The following XIAP variants were observed in gnomAD, a reference collection of about 807,000 sequenced individuals.
XIAP encodes E3 ubiquitin-protein ligase XIAP.
In XIAP, 3 loss-of-function variants were observed where a neutral mutation model predicts 33.1. The observed-to-expected ratio is 0.09, with a 90% CI of 0.04 to 0.23. XIAP has a LOEUF of 0.23. Ranked by LOEUF, XIAP falls within the 10% of genes least tolerant of loss-of-function variation. XIAP has a pLI of 1.00. For synonymous variants in XIAP, 98 were observed against 121.3 expected, an observed-to-expected ratio of 0.81 and a Z score of 1.26; for missense variants, 264 against 363.0, an observed-to-expected ratio of 0.73 and a Z score of 2.22.
In XIAP at chrX:123,869,362, C is replaced by CAAAA. The variant is rs57436822; in HGVS notation, c.-33+9088_-33+9091dup. ...AAACCCCATCTCTACTAAAAAAATA[C>CAAAA]AAAAAAAAAAAAAAAAAAAAAAGCT... On this transcript the variant is annotated intron_variant, in intron 1 of 6. Coordinates refer to ENST00000371199, the MANE Select transcript of XIAP (RefSeq NM_001167.4). Among the ~76,000 whole-genome samples, 137 of 29,725 alleles carry CAAAA rather than the reference C, an allele frequency of 4.6e-3. 7 individuals carry two copies. The highest frequency in any genetic ancestry group is 5.4e-3 in the Non-Finnish European group (96 of 17,847). The allele number at this position is 29,725 out of a possible 115,157, so 25.8% of individuals were successfully genotyped here. A position where few individuals can be genotyped will look rare whatever the true frequency, so the allele number is the denominator to read the frequency against.
At chrX:123,873,997 A>C (rs1203069365) in intron 1 of XIAP, 1 of 110,768 alleles carries the variant, frequency 9.0e-6, no homozygotes, top group East Asian at 2.8e-4. Flanking sequence ...AAGCTGGCAG[A>C]AATTCTCAGG....
chrX:123,872,286 A>G (rs1197474918), intron 1 of XIAP, among the ~76,000 whole-genome samples: 1 of 109,435 alleles, frequency 9.1e-6, no homozygotes, highest in Non-Finnish European at 1.9e-5. Context: ...AAAGATAGAT[A>G]TCACTCAGAA....
At chrX:123,887,986 GA>G (rs199805333) in intron 2 of XIAP, among the ~76,000 whole-genome samples, 1 of 98,166 alleles carries the variant, frequency 1.0e-5, no homozygotes, top group Non-Finnish European at 2.0e-5. Context: ...CTCCATCTCA[GA>G]AAAAAATAAT....
Position 123,912,212 on chromosome X carries a change from C to T in XIAP, c.*5031C>T. 9.0e-6 allele frequency: 2 copies of T among 222,007 alleles called. No individual in the cohort carries two copies. The highest frequency in any genetic ancestry group is 4.5e-5 in the South Asian group (1 of 22,233). The allele number at this position is 222,007 out of a possible 1,213,427, so 18.3% of individuals were successfully genotyped here. A position where few individuals can be genotyped will look rare whatever the true frequency, so the allele number is the denominator to read the frequency against. On this transcript the variant is annotated 3_prime_UTR_variant, in exon 7 of 7. Coordinates refer to ENST00000371199, the MANE Select transcript of XIAP (RefSeq NM_001167.4). ...TTCAACCAAGGAGGAATTGAAAACA[C>T]TGAGAAAAAAAAAAAAGACCACACA...
intron 5 of XIAP, among the ~76,000 whole-genome samples, chrX:123,894,326 CCA>C (rs2053438383): frequency 8.9e-6 from 1 of 112,543 alleles, no homozygotes; most frequent in African/African-American, 3.2e-5. Context: ...GGAACTAGGA[CCA>C]CAAGCAAGGT....
At chrX:123,864,796 G>T (rs1386918360) in intron 1 of XIAP, among the ~76,000 whole-genome samples, 3 of 49,829 alleles carry the variant, frequency 6.0e-5, no homozygotes, top group African/African-American at 1.9e-4. Context: ...GTGTGTGTGT[G>T]TGTGTGTGTG....
intron 1 of XIAP, among the ~76,000 whole-genome samples, chrX:123,875,740 C>T (rs1483954585): frequency 9.2e-6 from 1 of 108,658 alleles, no homozygotes; most frequent in Non-Finnish European, 1.9e-5. Flanking sequence ...GGCTGGAGTA[C>T]AGTGGCACCA....
In XIAP at chrX:123,910,867, CAAA is replaced by C. The variant is rs762141177; in HGVS notation, c.*3700_*3702del. On this transcript the variant is annotated 3_prime_UTR_variant, in exon 7 of 7. Transcript: ENST00000371199. ...TGGGCAACAGAGCAAGACTCTGTCT[CAAA>C]AAAAAAAAAAAAAGAAATAAGAAAA... 5.4e-4 allele frequency: 130 copies of C among 238,691 alleles called. No individual in the cohort carries two copies. Among genetic ancestry groups the C allele is most frequent in the Admixed American group, 9.0e-4 (17 of 18,884 alleles). The allele number at this position is 238,691 out of a possible 1,213,427, so 19.7% of individuals were successfully genotyped here.
chrX:123,869,362 C>CAAAAAAAAAAAAAAAAAAAAAAAAAAAAA lies in XIAP; in HGVS notation c.-33+9091_-33+9092insAAAAAAAAAAAAAAAAAAAAAAAAAAAAA, dbSNP rs57436822. Among the ~76,000 whole-genome samples, 46 of 29,723 alleles carry CAAAAAAAAAAAAAAAAAAAAAAAAAAAAA rather than the reference C, an allele frequency of 1.5e-3. 8 individuals carry two copies. The highest frequency in any genetic ancestry group is 1.7e-3 in the Non-Finnish European group (31 of 17,845). The allele number at this position is 29,723 out of a possible 115,157, so 25.8% of individuals were successfully genotyped here. ...AAACCCCATCTCTACTAAAAAAATA[C>CAAAAAAAAAAAAAAAAAAAAAAAAAAAAA]AAAAAAAAAAAAAAAAAAAAAAGCT... is the stretch of plus-strand genomic sequence containing the variant. On this transcript the variant is annotated intron_variant, in intron 1 of 6. Coordinates refer to ENST00000371199, the MANE Select transcript of XIAP (RefSeq NM_001167.4).
rs1395494691 is a variant in XIAP, at chrX:123,885,781, G to T, written c.119G>T (p.Ser40Ile). 5 of 1,210,255 alleles carry T rather than the reference G, an allele frequency of 4.1e-6. No individual in the cohort carries two copies. Among genetic ancestry groups the T allele is most frequent in the Non-Finnish European group, 5.6e-6 (5 of 895,352 alleles). The change falls in exon 2 of 7, where the codon AGT (serine) becomes ATT (isoleucine). Residue 40 changes from serine to isoleucine, a missense_variant. By Grantham distance (142) the Ser-to-Ile change is moderately radical. Coordinates refer to ENST00000371199, the MANE Select transcript of XIAP (RefSeq NM_001167.4). ...LKTFANFPSG[S>I]PVSASTLARA... Reference sequence around the variant, plus strand: ...ACTTTTGCTAATTTTCCAAGTGGTAGTCCTGTTTCAGCATCAACACTGGCA... The same window carrying T: ...ACTTTTGCTAATTTTCCAAGTGGTATTCCTGTTTCAGCATCAACACTGGCA...
intron 3 of XIAP, among the ~76,000 whole-genome samples, chrX:123,890,237 C>T (rs367559126): frequency 0.22 from 22,546 of 101,031 alleles, 2,210 homozygotes; most frequent in Non-Finnish European, 0.27. Flanking sequence ...AGGATGGTCT[C>T]GATCTCCTGA....
chrX:123,901,888 A>G (rs763009297), intron 6 of XIAP, among the ~76,000 whole-genome samples: 163 of 111,078 alleles, frequency 1.5e-3, no homozygotes, highest in Non-Finnish European at 2.6e-3. Context: ...GCTGGAGTGC[A>G]ATGGCACGAT....
intron 1 of XIAP, among the ~76,000 whole-genome samples, chrX:123,864,767 C>CGTGT (rs752421505): frequency 0.012 from 606 of 52,623 alleles, 9 homozygotes; most frequent in Middle Eastern, 0.021. Context: ...GTCGCATTCT[C>CGTGT]GTGTGTGTGT....
intron 1 of XIAP, among the ~76,000 whole-genome samples, chrX:123,868,566 C>A (rs5910043): frequency 9.0e-6 from 1 of 110,521 alleles, no homozygotes; most frequent in African/African-American, 3.3e-5. Context: ...GCTATCTCTA[C>A]TAAAAATAGA....
In XIAP at chrX:123,911,630, A is replaced by C. The variant is rs1050144291; in HGVS notation, c.*4449A>C. 1 of 324,210 alleles carries C rather than the reference A, an allele frequency of 3.1e-6. No homozygotes were observed. Among genetic ancestry groups the C allele is most frequent in the East Asian group, 9.7e-5 (1 of 10,319 alleles). The allele number at this position is 324,210 out of a possible 1,213,427, so 26.7% of individuals were successfully genotyped here. A position where few individuals can be genotyped will look rare whatever the true frequency, so the allele number is the denominator to read the frequency against. On this transcript the variant is annotated 3_prime_UTR_variant, in exon 7 of 7. Transcript: ENST00000371199. ...GAATTTGAGGCAGCAGTGAGCTATGATTGTGCCACTGTACTCCAGTCTGGG... is the reference window on the plus strand; with the variant it reads ...GAATTTGAGGCAGCAGTGAGCTATGCTTGTGCCACTGTACTCCAGTCTGGG...
chrX:123,879,252 G>C (rs1183073782), intron 1 of XIAP: 1 of 108,758 alleles, frequency 9.2e-6, no homozygotes, highest in East Asian at 2.9e-4. Flanking sequence ...CGGGTCTGAA[G>C]TCTTAGGGCA....
intron 1 of XIAP, among the ~76,000 whole-genome samples, chrX:123,885,265 TTAA>T (rs1475212263): frequency 7.1e-5 from 8 of 112,065 alleles, no homozygotes; most frequent in African/African-American, 2.3e-4. Flanking sequence ...TGCATAGATT[TTAA>T]TAATCTGCAT....
intron 5 of XIAP, among the ~76,000 whole-genome samples, chrX:123,894,987 A>G (rs894847310): frequency 1.8e-5 from 2 of 110,462 alleles, no homozygotes; most frequent in African/African-American, 3.3e-5. Context: ...TAAATAAATA[A>G]ATAAATAAAA....
chrX:123,890,482 TAGCC>T (rs2053397125), intron 3 of XIAP, among the ~76,000 whole-genome samples: 1 of 104,248 alleles, frequency 9.6e-6, no homozygotes. Context: ...AAAAAAAAAT[TAGCC>T]AGTCATGATG....
Sources: allele counts gnomAD v4.1 joint callset (sites outside exome capture counted in the v4.1 genomes callset), GRCh38; gene constraint gnomAD v4.1.1; transcripts MANE v1.5; gene names NCBI Gene and HGNC (gene_info 2026-07-23, HGNC 2026-07-21).